Variants in COL6A3 observed in about 807,000 individuals in gnomAD.
COL6A3 encodes the protein collagen type VI alpha 3 chain.
A neutral mutation model predicts 274.1 loss-of-function variants in COL6A3; 137 were observed. That is an observed-to-expected ratio of 0.50 (90% CI 0.44 to 0.58). The LOEUF (loss-of-function observed/expected upper bound fraction) is 0.58. Ranked by LOEUF, COL6A3 falls within the 20% of genes least tolerant of loss-of-function variation. The probability of loss-of-function intolerance (pLI) is 0.00; values close to 1 mark genes in which losing one functional copy is unlikely to be tolerated. For missense variants in COL6A3, 3,950 were observed against 4,124.9 expected (o/e 0.96, Z 1.16); for synonymous variants, 1,650 against 1,650.6 (o/e 1.00, Z 0.01).
intron 11 of COL6A3, 68 bp from the exon 12 acceptor site, chr2:237,366,103 G>T: frequency 7.1e-7 from 1 of 1,402,148 alleles, no homozygotes. Context: ...ACTTATACCA[G>T]CAGTAGGGAC....
intron 5 of COL6A3, among the ~76,000 whole-genome samples, chr2:237,379,877 C>T (rs968911431): frequency 3.9e-5 from 6 of 152,276 alleles, no homozygotes; most frequent in Non-Finnish European, 5.9e-5. Flanking sequence ...ATGATGGGAC[C>T]GTAAATACAC....
At chr2:237,372,972 G>A (rs59334109) in intron 8 of COL6A3, among the ~76,000 whole-genome samples, 3,585 of 152,304 alleles carry the variant, frequency 0.024, 159 homozygotes, top group African/African-American at 0.082. Context: ...CTGAGGAAGC[G>A]GAGACAGGCC....
Position 237,364,245 on chromosome 2 carries a change from G to A in COL6A3, c.5917+105C>T. ...AGGAAGAGTCTCCCAAGACAACGCT[G>A]CTCCCTTGGGGCGCTGCATTAGCAG... On this transcript the variant is annotated intron_variant, in intron 13 of 43. Transcript: ENST00000295550. This position sits in a 1 kb window ranked among gnomAD's most constrained non-coding sequence, Gnocchi z 4.6. 1.1e-6 allele frequency: 1 copy of A among 894,812 alleles called. No individual in the cohort carries two copies. Among genetic ancestry groups the A allele is most frequent in the Non-Finnish European group, 1.9e-6 (1 of 539,884 alleles). 55.4% of individuals were successfully genotyped at this position (894,812 alleles called of 1,614,324 possible).
intron 16 of COL6A3, among the ~76,000 whole-genome samples, chr2:237,360,617 G>T (rs2077414981): frequency 6.6e-6 from 1 of 152,102 alleles, no homozygotes; most frequent in African/African-American, 2.4e-5. Flanking sequence ...GGGTCCCAAA[G>T]CTCCCCAGAC....
chr2:237,391,646 C>T (rs914022181), intron 3 of COL6A3, among the ~76,000 whole-genome samples: 1 of 152,038 alleles, frequency 6.6e-6, no homozygotes, highest in Non-Finnish European at 1.5e-5. Context: ...GATTCTCCTG[C>T]CTCAGCCTCC....
chr2:237,409,527 T>TG (rs1375887140), intron 1 of COL6A3, among the ~76,000 whole-genome samples: 1 of 149,812 alleles, frequency 6.7e-6, no homozygotes, highest in African/African-American at 2.6e-5. Context: ...GTTAGGTTTT[T>TG]GTTTTTTTTG....
intron 39 of COL6A3, among the ~76,000 whole-genome samples, chr2:237,338,175 C>T (rs1035370846): frequency 5.9e-5 from 9 of 152,188 alleles, no homozygotes; most frequent in Non-Finnish European, 1.2e-4. Flanking sequence ...GTCAATAGAA[C>T]GTGGCAGAAG....
chr2:237,368,614 C>T lies in COL6A3; in HGVS notation c.4849G>A (p.Ala1617Thr), dbSNP rs200433282. 1.1e-4 allele frequency: 183 copies of T among 1,613,326 alleles called. No homozygotes were observed. The highest frequency in any genetic ancestry group is 1.4e-4 in the Non-Finnish European group (162 of 1,179,882). Residue 1617 changes from alanine (A) to threonine (T), a missense_variant, in exon 10 of 44, where the codon GCA becomes ACA. Around this residue, in one of 5 missense-constraint regions of COL6A3, gnomAD observed 632 missense variants for 623.4 expected, o/e 1.01. Transcript: ENST00000295550. This position sits in a 1 kb window ranked among gnomAD's most constrained non-coding sequence, Gnocchi z 4.4. Reference sequence around the variant, plus strand: ...ACCCCTGGAGGTGCAGGAGTGGCTGCGGAGGGTCCAAACGAGTTCATGATT... The same window carrying T: ...ACCCCTGGAGGTGCAGGAGTGGCTGTGGAGGGTCCAAACGAGTTCATGATT... ...ERIMNSFGPS[A>T]ATPAPPGVDT... is the part of the protein sequence containing the mutation.
chr2:237,386,858 C>A (rs181701275), intron 4 of COL6A3, among the ~76,000 whole-genome samples: 2 of 152,200 alleles, frequency 1.3e-5, no homozygotes, highest in Admixed American at 1.3e-4. Flanking sequence ...GATGCCCCCA[C>A]CATACCTCCT....
At chr2:237,383,555 GTATA>G (rs1034258255) in intron 4 of COL6A3, among the ~76,000 whole-genome samples, 8 of 151,450 alleles carry the variant, frequency 5.3e-5, no homozygotes, top group African/African-American at 1.5e-4. Flanking sequence ...ACACATACAC[GTATA>G]TAGACACATA....
intron 39 of COL6A3, among the ~76,000 whole-genome samples, chr2:237,337,608 C>T (rs1700614196): frequency 6.6e-6 from 1 of 152,238 alleles, no homozygotes; most frequent in African/African-American, 2.4e-5. Flanking sequence ...GCGTTCACAT[C>T]TCATCTGTGT....
At chr2:237,357,018 A>C (rs66524529) in intron 23 of COL6A3, 82,126 of 416,982 alleles carry the variant, frequency 0.2, 8,796 homozygotes, top group East Asian at 0.27. Context: ...TCCCTCCCCC[A>C]GTATTAGGAT....
chr2:237,380,587 C>T (rs1232896205), intron 5 of COL6A3, among the ~76,000 whole-genome samples: 1 of 152,144 alleles, frequency 6.6e-6, no homozygotes, highest in South Asian at 2.1e-4. Context: ...CAGAAATCAC[C>T]AGTAGAAACA....
chr2:237,346,656 A>C, intron 31 of COL6A3, 91 bp from the exon 32 acceptor site: 1 of 1,146,080 alleles, frequency 8.7e-7, no homozygotes, highest in South Asian at 1.3e-5. Flanking sequence ...AAAGTGATCT[A>C]ACCCAAGGGA....
At position 237,357,391 on chromosome 2, in the gene COL6A3, C is replaced by A; in HGVS notation, c.6538G>T (p.Gly2180Cys). The A allele has an allele frequency of 6.2e-7, 1 of 1,613,562 alleles. No homozygotes were observed. The highest frequency in any genetic ancestry group is 1.1e-5 in the South Asian group (1 of 91,070). Residue 2180 changes from glycine (G) to cysteine (C), a missense_variant and splice_region_variant, in exon 23 of 44, where the codon GGT (glycine) becomes TGT (cysteine). Physicochemically the swap from Gly to Cys is radical, Grantham distance 159. Transcript: ENST00000295550. Reference sequence around the variant, plus strand: ...GGTACTCCATCTCTCCCTGGGACACCCTGGTGTGGGGAAAATTAGCATGAG... The same window carrying A: ...GGTACTCCATCTCTCCCTGGGACACACTGGTGTGGGGAAAATTAGCATGAG... ...KGETGDLGPMGVPGRDGVPGG... is the reference protein window; with the variant it reads ...KGETGDLGPMCVPGRDGVPGG...
chr2:237,377,977 T>C (rs577942549), intron 6 of COL6A3, among the ~76,000 whole-genome samples: 2 of 152,388 alleles, frequency 1.3e-5, no homozygotes, highest in South Asian at 4.1e-4. Context: ...CAATGTGTAA[T>C]GTAAATAACA....
At position 237,365,959 on chromosome 2, in the gene COL6A3, CTCGAA is replaced by C; in HGVS notation, c.5572_5576del (p.Phe1858ValfsTer43). 1 of 1,614,096 alleles carries C rather than the reference CTCGAA, an allele frequency of 6.2e-7. No homozygotes were observed. The highest frequency in any genetic ancestry group is 8.5e-7 in the Non-Finnish European group (1 of 1,180,034). On this transcript the variant is annotated frameshift_variant, in exon 12 of 44. Coordinates refer to ENST00000295550, the MANE Select transcript of COL6A3 (RefSeq NM_004369.4). LOFTEE classifies it high-confidence loss of function. The stretch of plus-strand genomic sequence containing the variant: ...TGTTCAAGATGGCGTCCACCTTGGA[CTCGAA>C]GCCCTTCTGGGCCACAAAAACATTC...
intron 8 of COL6A3, among the ~76,000 whole-genome samples, chr2:237,372,540 C>T (rs903756820): frequency 3.3e-5 from 5 of 152,168 alleles, no homozygotes; most frequent in Admixed American, 1.3e-4. Context: ...AAAAACCCGA[C>T]GGAGGCAGAA....
In COL6A3 at chr2:237,374,464, G is replaced by A; in HGVS notation, c.3627C>T (p.Thr1209=). 1 of 1,613,976 alleles carries A rather than the reference G, an allele frequency of 6.2e-7. No individual in the cohort carries two copies. Among genetic ancestry groups the A allele is most frequent in the Non-Finnish European group, 8.5e-7 (1 of 1,180,028 alleles). ...QVISERVTQL[T]REELSRLQPV... is the part of the protein sequence containing the mutation. ...GCTGCAGCCTGCTCAGCTCCTCGCG[G>A]GTGAGCTGGGTCACCCTCTCAGAGA... is the stretch of plus-strand genomic sequence containing the variant. The change falls in exon 8 of 44, where the codon ACC becomes ACT. Residue 1209 remains threonine, a synonymous_variant. Coordinates refer to ENST00000295550, the MANE Select transcript of COL6A3 (RefSeq NM_004369.4). The surrounding 1 kb of genome is among the most constrained non-coding windows in gnomAD (Gnocchi z 4.8).
Sources: gnomAD v4.1 joint callset for allele counts (sites outside exome capture counted in the v4.1 genomes callset) on GRCh38, gnomAD v4.1.1 for gene constraint, gnomAD v4.1.1 regional missense constraint, Gnocchi (gnomAD v3.1) non-coding constraint, MANE v1.5 for transcripts, NCBI Gene and HGNC (gene_info 2026-07-23, HGNC 2026-07-21) for gene names.